Variants in DMXL2 observed in about 807,000 individuals in gnomAD.
DMXL2 encodes the protein dmX-like protein 2.
In DMXL2, 103 loss-of-function variants were observed where a neutral mutation model predicts 331.1. The ratio of observed to expected loss-of-function variants is 0.31; its 90% CI spans 0.27 to 0.37. The LOEUF (loss-of-function observed/expected upper bound fraction) is 0.37. Among genes scored for constraint, DMXL2 ranks in the 10% least tolerant of loss-of-function variants. The pLI is 1.00. For missense variants in DMXL2, 3,171 were observed against 3,642.9 expected, an observed-to-expected ratio of 0.87 and a Z score of 3.33; for synonymous variants, 1,281 against 1,252.1, an observed-to-expected ratio of 1.02 and a Z score of -0.49.
intron 25 of DMXL2, 96 bp downstream of exon 25, chr15:51,479,852 T>G (rs1437988350): frequency 2.2e-6 from 2 of 926,590 alleles, no homozygotes; most frequent in Non-Finnish European, 3.0e-6. Flanking sequence ...AGGTAGCACT[T>G]TGAAATATTT....
chr15:51,535,310 C>A (rs991536374), intron 13 of DMXL2, among the ~76,000 whole-genome samples: 31 of 152,072 alleles, frequency 2.0e-4, no homozygotes, highest in African/African-American at 7.2e-4. Flanking sequence ...AATTTTCCAA[C>A]CTAAACATAC....
At chr15:51,500,737 C>T (rs8024506) in intron 17 of DMXL2, among the ~76,000 whole-genome samples, 66,347 of 152,024 alleles carry the variant, frequency 0.44, 15,181 homozygotes, top group Non-Finnish European at 0.5. Flanking sequence ...GCAAAACAGA[C>T]CAATAGATCT....
intron 1 of DMXL2, among the ~76,000 whole-genome samples, chr15:51,598,198 T>C (rs2052965689): frequency 6.6e-6 from 1 of 152,166 alleles, no homozygotes; most frequent in South Asian, 2.1e-4. Flanking sequence ...AATTTCAGGC[T>C]TACAAAAAGT....
At chr15:51,459,460 G>T in intron 34 of DMXL2, 138 bp downstream of exon 34, 2 of 551,764 alleles carry the variant, frequency 3.6e-6, no homozygotes, top group Non-Finnish European at 5.9e-6. Context: ...CCTCCCCTGT[G>T]CCACTGAAGT....
At chr15:51,590,436 T>G (rs543975187) in intron 1 of DMXL2, among the ~76,000 whole-genome samples, 2 of 152,368 alleles carry the variant, frequency 1.3e-5, no homozygotes, top group Admixed American at 6.5e-5. Flanking sequence ...GAGTCCCTGA[T>G]AACTGAGGCT....
chr15:51,577,053 G>A (rs1379235647), intron 1 of DMXL2, among the ~76,000 whole-genome samples: 1 of 152,120 alleles, frequency 6.6e-6, no homozygotes, highest in Non-Finnish European at 1.5e-5. Flanking sequence ...CTAAGGGTCA[G>A]AGAGTTGGGA....
intron 1 of DMXL2, among the ~76,000 whole-genome samples, chr15:51,589,178 C>A (rs2052097098): frequency 6.6e-6 from 1 of 152,058 alleles, no homozygotes; most frequent in Non-Finnish European, 1.5e-5. Flanking sequence ...CCCAGAGTTA[C>A]CAGAAAGAGT....
chr15:51,479,102 C>A (rs2041816185), intron 25 of DMXL2, among the ~76,000 whole-genome samples: 1 of 152,078 alleles, frequency 6.6e-6, no homozygotes, highest in African/African-American at 2.4e-5. Context: ...GCTTTTTATG[C>A]CTTTTCTGCG....
intron 13 of DMXL2, among the ~76,000 whole-genome samples, chr15:51,519,773 G>T (rs1034646205): frequency 6.6e-6 from 1 of 150,766 alleles, no homozygotes; most frequent in East Asian, 2.0e-4. Flanking sequence ...CTCCCGAGTA[G>T]CTGGGACTAC....
Position 51,542,360 on chromosome 15 carries a change from T to C in DMXL2, c.1078A>G (p.Ile360Val), listed in dbSNP as rs758356004. The C allele has an allele frequency of 1.2e-6, 2 of 1,613,608 alleles. No homozygotes were observed. The highest frequency in any genetic ancestry group is 1.7e-5 in the Admixed American group (1 of 59,984). The change falls in exon 9 of 44, where the codon ATT becomes GTT. Residue 360 changes from isoleucine (I) to valine (V), a missense_variant. Physicochemically the swap from Ile to Val is conservative, Grantham distance 29. Transcript: ENST00000560891. ...GTGGCAGGGTTGATGCTTGCTGCAA[T>C]ATGAAAATGACAGAGTGCATTTGCA... ...HHANALCHFH[I>V]AASINPATDI...
Position 51,536,699 on chromosome 15 carries a change from G to A in DMXL2, c.1781C>T (p.Pro594Leu). Residue 594 changes from proline (P) to leucine (L), a missense_variant, in exon 12 of 44, where the codon CCA becomes CTA. Coordinates refer to ENST00000560891, the MANE Select transcript of DMXL2 (RefSeq NM_001378457.1). ...MSVGSPHGSQ[P>L]HSRSHSTHMN... is the part of the protein sequence containing the mutation. ...ATGTGTACTGTGGGATCTAGAGTGT[G>A]GCTGTGATCCGTGAGGACTGCCTAC... 6.2e-7 allele frequency: 1 copy of A among 1,614,020 alleles called. No homozygotes were observed.
chr15:51,564,322 G>A, intron 4 of DMXL2, 62 bp from the exon 5 acceptor site: 1 of 1,310,746 alleles, frequency 7.6e-7, no homozygotes, highest in African/African-American at 1.5e-5. Context: ...AAATGCACAT[G>A]GGCTTCTGTT....
rs116755053 is a variant in DMXL2, at chr15:51,524,424, C to T, written c.2437-7257G>A. ...AATTTAACCACTATACGAAAAAAAG[C>T]ACCTTCATAAGAACCAAAAATCAGG... On this transcript the variant is annotated intron_variant, in intron 13 of 43. Coordinates refer to ENST00000560891, the MANE Select transcript of DMXL2 (RefSeq NM_001378457.1). Among the ~76,000 whole-genome samples, 1,007 of 152,296 alleles carry T rather than the reference C, an allele frequency of 6.6e-3. 8 individuals are homozygous for T. Among genetic ancestry groups the T allele is most frequent in the African/African-American group, 0.023 (969 of 41,552 alleles).
chr15:51,601,681 AG>A (rs1268896913), intron 1 of DMXL2, among the ~76,000 whole-genome samples: 1 of 152,216 alleles, frequency 6.6e-6, no homozygotes. Flanking sequence ...TTGAGCTGGT[AG>A]AAGTCTTCTT....
chr15:51,561,581 G>A (rs561223177), intron 6 of DMXL2, among the ~76,000 whole-genome samples: 1 of 152,322 alleles, frequency 6.6e-6, no homozygotes, highest in East Asian at 1.9e-4. Context: ...TGGGCCTACA[G>A]GCAGCTTGCT....
At chr15:51,622,271 C>T (rs148235452) in intron 1 of DMXL2, among the ~76,000 whole-genome samples, 188 bp downstream of exon 1, 49 of 152,314 alleles carry the variant, frequency 3.2e-4, no homozygotes, top group African/African-American at 1.1e-3. Context: ...TGATTTCCTA[C>T]ACCAGACGCA....
At chr15:51,525,528 A>T (rs1171610161) in intron 13 of DMXL2, among the ~76,000 whole-genome samples, 2 of 152,100 alleles carry the variant, frequency 1.3e-5, no homozygotes, top group Admixed American at 1.3e-4. Context: ...CTCTTACAGC[A>T]TTTCTGGATC....
chr15:51,459,840 C>A, intron 33 of DMXL2, 180 bp from the exon 34 acceptor site: 7 of 1,158,514 alleles, frequency 6.0e-6, no homozygotes, highest in Non-Finnish European at 6.5e-6. Flanking sequence ...CAACACAAAG[C>A]CAAAAGAGCA....
At chr15:51,610,842 G>A (rs578156819) in intron 1 of DMXL2, among the ~76,000 whole-genome samples, 38 of 151,774 alleles carry the variant, frequency 2.5e-4, no homozygotes, top group African/African-American at 8.2e-4. Context: ...AGTACATACC[G>A]CATGCCACTT....
Sources: gnomAD v4.1 joint callset for allele counts (sites outside exome capture counted in the v4.1 genomes callset) on GRCh38, gnomAD v4.1.1 for gene constraint, MANE v1.5 for transcripts, NCBI Gene and HGNC (gene_info 2026-07-23, HGNC 2026-07-21) for gene names.